ARL13B: variants seen among roughly 807,000 people sequenced by gnomAD.
The protein encoded by ARL13B is ADP-ribosylation factor-like protein 13B.
In ARL13B, 36 loss-of-function variants were observed where a neutral mutation model predicts 56.1. The observed-to-expected ratio is 0.64, with a 90% CI of 0.49 to 0.85. The LOEUF is 0.85. Ranked by LOEUF, ARL13B falls within the 40% of genes least tolerant of loss-of-function variation. The probability of loss-of-function intolerance (pLI) is 0.00; values close to 1 mark genes in which losing one functional copy is unlikely to be tolerated. For missense variants in ARL13B, 519 were observed against 507.1 expected (o/e 1.02, Z -0.23); for synonymous variants, 178 against 171.1 (o/e 1.04, Z -0.32).
chr3:94,029,933 T>C (rs926319475), intron 3 of ARL13B, among the ~76,000 whole-genome samples: 4 of 152,284 alleles, frequency 2.6e-5, no homozygotes, highest in Admixed American at 6.5e-5. Flanking sequence ...ATATATAATA[T>C]GCTAAGTTTT....
chr3:94,055,289 T>G lies in ARL13B; in HGVS notation c.*2026T>G, dbSNP rs571746079. On this transcript the variant is annotated 3_prime_UTR_variant, in exon 10 of 10. Coordinates refer to ENST00000394222, the MANE Select transcript of ARL13B (RefSeq NM_001174150.2). The stretch of plus-strand genomic sequence containing the variant: ...AAATAATTTATATCAATATTCTGTT[T>G]CTCTTTTCAATTGGTAGATTTAAAT... The G allele has an allele frequency of 4.8e-6, 2 of 416,048 alleles. No homozygotes were observed. The highest frequency in any genetic ancestry group is 9.4e-6 in the Non-Finnish European group (2 of 213,890). The allele number at this position is 416,048 out of a possible 1,614,324, so 25.8% of individuals were successfully genotyped here. A position where few individuals can be genotyped will look rare whatever the true frequency, so the allele number is the denominator to read the frequency against.
chr3:94,034,097 T>A (rs1459355768), intron 3 of ARL13B, among the ~76,000 whole-genome samples: 1 of 152,184 alleles, frequency 6.6e-6, no homozygotes, highest in Non-Finnish European at 1.5e-5. Flanking sequence ...TGAGTAATAT[T>A]GAAGACTTAC....
At chr3:94,031,358 G>A (rs2076674251) in intron 3 of ARL13B, among the ~76,000 whole-genome samples, 1 of 151,850 alleles carries the variant, frequency 6.6e-6, no homozygotes, top group Non-Finnish European at 1.5e-5. Flanking sequence ...TAAGTCAATA[G>A]CAAATGTTTA....
At chr3:94,000,780 G>GGA (rs1224952509) in intron 2 of ARL13B, among the ~76,000 whole-genome samples, 1 of 151,974 alleles carries the variant, frequency 6.6e-6, no homozygotes, top group African/African-American at 2.4e-5. Context: ...TTGTATATTT[G>GGA]CATTTTATCT....
chr3:93,981,447 G>C (rs1710210042), intron 1 of ARL13B, among the ~76,000 whole-genome samples: 1 of 151,936 alleles, frequency 6.6e-6, no homozygotes, highest in Non-Finnish European at 1.5e-5. Context: ...AATCTGAAAA[G>C]CTACACTTAC....
At position 94,053,770 on chromosome 3, in the gene ARL13B, TA is replaced by T. The variant is rs1402113877; in HGVS notation, c.*508del. ...TGTGATATTGATTATACACCTTTTT[TA>T]TAGATGATTTGTTTAAATTATATCT... is the stretch of plus-strand genomic sequence containing the variant. On this transcript the variant is annotated 3_prime_UTR_variant, in exon 10 of 10. Coordinates refer to ENST00000394222, the MANE Select transcript of ARL13B (RefSeq NM_001174150.2). 1 of 297,390 alleles carries T rather than the reference TA, an allele frequency of 3.4e-6. No individual in the cohort carries two copies. The highest frequency in any genetic ancestry group is 6.5e-6 in the Non-Finnish European group (1 of 153,790). The allele number at this position is 297,390 out of a possible 1,614,324, so 18.4% of individuals were successfully genotyped here. A position where few individuals can be genotyped will look rare whatever the true frequency, so the allele number is the denominator to read the frequency against.
intron 6 of ARL13B, among the ~76,000 whole-genome samples, chr3:94,041,164 C>T (rs2076855586): frequency 6.6e-6 from 1 of 151,486 alleles, no homozygotes; most frequent in African/African-American, 2.4e-5. Context: ...AAGCACCTAA[C>T]ATTTTTTTTT....
intron 3 of ARL13B, among the ~76,000 whole-genome samples, chr3:94,006,053 C>A (rs961556181): frequency 8.5e-5 from 13 of 152,130 alleles, no homozygotes; most frequent in Non-Finnish European, 1.6e-4. Context: ...GTAATCCCAG[C>A]ACTTTGGGAG....
intron 1 of ARL13B, among the ~76,000 whole-genome samples, chr3:93,994,799 A>AT (rs143330816): frequency 0.014 from 1,972 of 143,842 alleles, 46 homozygotes; most frequent in African/African-American, 0.04. Context: ...AGTACACCTG[A>AT]TTTTTTTTTT....
chr3:94,015,225 A>C, intron 3 of ARL13B: 1 of 1,588,878 alleles, frequency 6.3e-7, no homozygotes, highest in Non-Finnish European at 8.5e-7. Context: ...TAGAGAGTTC[A>C]ATTTCCTTTG....
intron 3 of ARL13B, among the ~76,000 whole-genome samples, chr3:94,020,807 TAATTC>T (rs1251505515): frequency 1.3e-5 from 2 of 152,168 alleles, no homozygotes; most frequent in African/African-American, 4.8e-5. Flanking sequence ...TTTAAATACT[TAATTC>T]AAATAGCCGG....
Position 94,042,350 on chromosome 3 carries a change from T to G in ARL13B, c.799-665T>G, listed in dbSNP as rs114998569. Reference sequence around the variant, plus strand: ...ACTCAACAGTTCTACTGTTAGCAATTTAATCTAAAAAAATTAAAAAAAAGC... The same window carrying G: ...ACTCAACAGTTCTACTGTTAGCAATGTAATCTAAAAAAATTAAAAAAAAGC... On this transcript the variant is annotated intron_variant, in intron 6 of 9. Transcript: ENST00000394222. 4.4e-3 allele frequency among the ~76,000 whole-genome samples: 673 copies of G among 152,240 alleles called. 7 individuals are homozygous for G. The highest frequency in any genetic ancestry group is 0.015 in the African/African-American group (606 of 41,552).
intron 3 of ARL13B, among the ~76,000 whole-genome samples, chr3:94,006,196 G>A (rs1249765437): frequency 6.6e-6 from 1 of 152,152 alleles, no homozygotes; most frequent in African/African-American, 2.4e-5. Context: ...TCGGGAGGCT[G>A]AGGCAGGAGA....
chr3:94,026,943 G>A (rs892382149), intron 3 of ARL13B, among the ~76,000 whole-genome samples: 6 of 152,120 alleles, frequency 3.9e-5, no homozygotes, highest in East Asian at 3.9e-4. Flanking sequence ...AAACTGGTGC[G>A]ACTCAAATAA....
intron 2 of ARL13B, 130 bp from the exon 3 acceptor site, chr3:94,003,526 TATG>T (rs2076086290): frequency 9.9e-7 from 1 of 1,007,904 alleles, no homozygotes; most frequent in African/African-American, 1.6e-5. Context: ...CCCAAACCAG[TATG>T]CTTCAAAATA....
chr3:93,987,122 C>T (rs1710509561), intron 1 of ARL13B, among the ~76,000 whole-genome samples: 1 of 151,376 alleles, frequency 6.6e-6, no homozygotes, highest in Admixed American at 6.6e-5. Context: ...TTTCTAAGTT[C>T]AATCCTCCCT....
chr3:94,006,530 G>A (rs1256603492), intron 3 of ARL13B, among the ~76,000 whole-genome samples: 1 of 151,878 alleles, frequency 6.6e-6, no homozygotes, highest in Non-Finnish European at 1.5e-5. Flanking sequence ...AATCACCTGT[G>A]TTGCTGATAG....
intron 7 of ARL13B, among the ~76,000 whole-genome samples, chr3:94,045,842 T>G (rs1384249515): frequency 6.7e-6 from 1 of 148,992 alleles, no homozygotes; most frequent in Non-Finnish European, 1.5e-5. Context: ...TCCCAGCTAC[T>G]CAGGAGGCTG....
At chr3:94,026,431 C>A (rs948483990) in intron 3 of ARL13B, among the ~76,000 whole-genome samples, 17 of 152,112 alleles carry the variant, frequency 1.1e-4, no homozygotes, top group Admixed American at 3.9e-4. Context: ...AATCCTTGTT[C>A]ATCTGTGTAG....
Sources: allele counts gnomAD v4.1 joint callset (sites outside exome capture counted in the v4.1 genomes callset), GRCh38; gene constraint gnomAD v4.1.1; transcripts MANE v1.5; gene names NCBI Gene and HGNC (gene_info 2026-07-23, HGNC 2026-07-21).